Variants in RBM38 observed in about 807,000 individuals in gnomAD.
RBM38 encodes RNA binding motif protein 38.
A neutral mutation model predicts 23.5 loss-of-function variants in RBM38; 11 were observed. That is an observed-to-expected ratio of 0.47 (90% CI 0.29 to 0.77). The LOEUF (loss-of-function observed/expected upper bound fraction) is 0.77, where lower values mean the gene tolerates loss of function less well. RBM38 is among the 30% of genes least tolerant of loss of function. The probability of loss-of-function intolerance (pLI) is 0.08; values close to 1 mark genes in which losing one functional copy is unlikely to be tolerated. For missense variants in RBM38, 330 were observed against 351.9 expected (o/e 0.94, Z 0.50); for synonymous variants, 165 against 166.1 (o/e 0.99, Z 0.05).
intron 3 of RBM38, among the ~76,000 whole-genome samples, chr20:57,400,728 G>A (rs1372648867): frequency 6.6e-6 from 1 of 152,016 alleles, no homozygotes; most frequent in African/African-American, 2.4e-5. Context: ...AAACAGATCC[G>A]CCTCTGATTG....
intron 3 of RBM38, among the ~76,000 whole-genome samples, chr20:57,406,745 G>A (rs1313341429): frequency 6.6e-6 from 1 of 152,166 alleles, no homozygotes; most frequent in Non-Finnish European, 1.5e-5. Flanking sequence ...TGTAATCCCA[G>A]CACTTTGGGA....
intron 3 of RBM38, among the ~76,000 whole-genome samples, chr20:57,396,452 G>C (rs1491002283): frequency 6.6e-6 from 1 of 152,178 alleles, no homozygotes; most frequent in Non-Finnish European, 1.5e-5. Context: ...CTGTGTCAAG[G>C]GGTGTCTGTC....
rs1183107903 is a variant in RBM38 at position 57,407,317 on chromosome 20, G to C, written c.417-226G>C. On this transcript the variant is annotated intron_variant, in intron 3 of 3. Coordinates refer to ENST00000356208, the MANE Select transcript of RBM38 (RefSeq NM_017495.6). The surrounding 1 kb of genome is among the most constrained non-coding windows in gnomAD (Gnocchi z 4.0). ...GTGCAGTCTGGGAAGGCCTTGCTGAGAAGGAGACATGGAGTGGAGGAGGGA... is the reference window on the plus strand; with the variant it reads ...GTGCAGTCTGGGAAGGCCTTGCTGACAAGGAGACATGGAGTGGAGGAGGGA... Among the ~76,000 whole-genome samples the C allele has an allele frequency of 1.3e-5, 2 of 152,188 alleles. No individual in the cohort carries two copies. Among genetic ancestry groups the C allele is most frequent in the African/African-American group, 4.8e-5 (2 of 41,458 alleles).
chr20:57,392,935 G>A, intron 2 of RBM38, 158 bp downstream of exon 2: 7 of 993,388 alleles, frequency 7.0e-6, no homozygotes, highest in Non-Finnish European at 1.0e-5. Context: ...CCCCCTCGAG[G>A]ATCTAGACCC....
intron 2 of RBM38, 83 bp downstream of exon 2, chr20:57,392,860 C>G: frequency 3.2e-6 from 5 of 1,539,966 alleles, no homozygotes; most frequent in South Asian, 1.2e-5. Flanking sequence ...GAGGCCCCCC[C>G]TCCTCGCCCC....
chr20:57,405,576 GT>G (rs1409960344), intron 3 of RBM38, among the ~76,000 whole-genome samples: 1 of 152,234 alleles, frequency 6.6e-6, no homozygotes, highest in Non-Finnish European at 1.5e-5. Flanking sequence ...AGTAGAGAGG[GT>G]GACGCAGTGT....
intron 3 of RBM38, among the ~76,000 whole-genome samples, chr20:57,397,571 G>A (rs1358421636): frequency 2.0e-5 from 3 of 152,202 alleles, no homozygotes; most frequent in Non-Finnish European, 2.9e-5. Flanking sequence ...TTACCATCAC[G>A]GGGCCTTGGT....
chr20:57,402,045 T>C (rs948928124), intron 3 of RBM38, among the ~76,000 whole-genome samples: 3 of 152,144 alleles, frequency 2.0e-5, no homozygotes, highest in South Asian at 2.1e-4. Context: ...CCTCCCGGGT[T>C]CAAGCCATTC....
At position 57,391,642 on chromosome 20, in the gene RBM38, C is replaced by A; in HGVS notation, c.61C>A (p.Pro21Thr). Residue 21 changes from proline to threonine, a missense_variant, in exon 1 of 4, where the codon CCC (proline) becomes ACC (threonine). Around this residue, in one of 3 missense-constraint regions of RBM38, gnomAD observed 95 missense variants for 111.9 expected, o/e 0.85. Coordinates refer to ENST00000356208, the MANE Select transcript of RBM38 (RefSeq NM_017495.6). ...SAGFPRPLAAPGAMHGSQKDT... is the reference protein window; with the variant it reads ...SAGFPRPLAATGAMHGSQKDT... ...GGGCTTCCCGCGGCCCCTGGCCGCC[C>A]CCGGCGCCATGCACGGCTCGCAGAA... 4 of 1,477,208 alleles carry A rather than the reference C, an allele frequency of 2.7e-6. No individual in the cohort carries two copies. The highest frequency in any genetic ancestry group is 1.8e-4 in the Middle Eastern group (1 of 5,470). The allele number at this position is 1,477,208 out of a possible 1,614,324, so 91.5% of individuals were successfully genotyped here. A position where few individuals can be genotyped will look rare whatever the true frequency, so the allele number is the denominator to read the frequency against.
At chr20:57,406,655 A>G (rs909648803) in intron 3 of RBM38, among the ~76,000 whole-genome samples, 1 of 151,794 alleles carries the variant, frequency 6.6e-6, no homozygotes. Flanking sequence ...TCACATCCTC[A>G]CGGAGCTGCT....
intron 3 of RBM38, among the ~76,000 whole-genome samples, chr20:57,401,306 C>T (rs2067325722): frequency 6.6e-6 from 1 of 152,192 alleles, no homozygotes; most frequent in African/African-American, 2.4e-5. Context: ...CACCCGGGGC[C>T]GCCAGGCACC....
At chr20:57,401,185 C>T (rs1375879298) in intron 3 of RBM38, among the ~76,000 whole-genome samples, 2 of 152,222 alleles carry the variant, frequency 1.3e-5, no homozygotes, top group East Asian at 3.9e-4. Context: ...CCCAGCATTC[C>T]TCAGGCCCAA....
At chr20:57,400,592 TGTGCCCA>T (rs1481996449) in intron 3 of RBM38, among the ~76,000 whole-genome samples, 35 of 152,334 alleles carry the variant, frequency 2.3e-4, no homozygotes, top group African/African-American at 7.9e-4. Context: ...GCTAGGTGCC[TGTGCCCA>T]GTGTCCAGCG....
intron 3 of RBM38, among the ~76,000 whole-genome samples, chr20:57,403,686 A>ATC (rs1011660973): frequency 6.6e-5 from 10 of 151,812 alleles, no homozygotes. Flanking sequence ...CAGTGGCATG[A>ATC]TCTCAGCTCA....
intron 3 of RBM38, among the ~76,000 whole-genome samples, chr20:57,398,553 G>GC (rs144145414): frequency 0.12 from 18,149 of 152,156 alleles, 3,453 homozygotes; most frequent in African/African-American, 0.4. Flanking sequence ...CCGCCCCCCT[G>GC]CCCCCCCACA....
Position 57,393,502 on chromosome 20 carries a change from G to A in RBM38, c.416+169G>A, listed in dbSNP as rs149850811. On this transcript the variant is annotated intron_variant, in intron 3 of 3. Coordinates refer to ENST00000356208, the MANE Select transcript of RBM38 (RefSeq NM_017495.6). ...AGATTGCACTTCTCCATCCCTGGCA[G>A]AGGCCATACCACCTAGGGGATGGTG... Among the ~76,000 whole-genome samples the A allele has an allele frequency of 1.5e-3, 225 of 152,330 alleles. 1 individual carries two copies. The highest frequency in any genetic ancestry group is 5.2e-3 in the African/African-American group (218 of 41,572).
intron 3 of RBM38, among the ~76,000 whole-genome samples, chr20:57,401,587 G>T (rs2067328753): frequency 6.6e-6 from 1 of 152,264 alleles, no homozygotes; most frequent in African/African-American, 2.4e-5. Flanking sequence ...GGACGCAGCA[G>T]CTGAGACCCT....
rs202004284 is a variant in RBM38, at chr20:57,407,648, G to A, written c.522G>A (p.Pro174=). ...CCTCGCCCTACATTGAGTACACGCC[G>A]GCCAGCCCGGCCTACGCCCAGTACC... is the stretch of plus-strand genomic sequence containing the variant. ...SLSSPYIEYT[P]ASPAYAQYPP... is the part of the protein sequence containing the mutation. Residue 174 remains proline, a synonymous_variant, in exon 4 of 4, where the codon CCG becomes CCA. Coordinates refer to ENST00000356208, the MANE Select transcript of RBM38 (RefSeq NM_017495.6). The surrounding 1 kb of genome is among the most constrained non-coding windows in gnomAD (Gnocchi z 4.0). 15 of 1,613,286 alleles carry A rather than the reference G, an allele frequency of 9.3e-6. No homozygotes were observed. Among genetic ancestry groups the A allele is most frequent in the African/African-American group, 6.7e-5 (5 of 74,932 alleles).
intron 3 of RBM38, among the ~76,000 whole-genome samples, chr20:57,395,904 G>A (rs1047270313): frequency 2.0e-5 from 3 of 152,230 alleles, no homozygotes; most frequent in African/African-American, 7.2e-5. Context: ...GCTGTTGGCT[G>A]AGGGCATGGA....
Sources: allele counts gnomAD v4.1 joint callset (sites outside exome capture counted in the v4.1 genomes callset), GRCh38; gene constraint gnomAD v4.1.1; regional missense constraint gnomAD v4.1.1; non-coding constraint Gnocchi (gnomAD v3.1); transcripts MANE v1.5; gene names NCBI Gene and HGNC (gene_info 2026-07-23, HGNC 2026-07-21).